PIK3C3: variants seen among roughly 807,000 people sequenced by gnomAD.
PIK3C3 encodes PI3-kinase type 3.
A neutral mutation model predicts 126.1 loss-of-function variants in PIK3C3; 95 were observed. That is an observed-to-expected ratio of 0.75 (90% CI 0.64 to 0.89). The LOEUF is 0.89. PIK3C3 is among the 40% of genes least tolerant of loss of function. The pLI is 0.00. For synonymous variants in PIK3C3, 374 were observed against 360.0 expected, an observed-to-expected ratio of 1.04 and a Z score of -0.44; for missense variants, 829 against 1,063.2, an observed-to-expected ratio of 0.78 and a Z score of 3.06.
At chr18:41,968,821 T>G (rs1459082458) in intron 3 of PIK3C3, among the ~76,000 whole-genome samples, 4 of 151,978 alleles carry the variant, frequency 2.6e-5, no homozygotes, top group Admixed American at 1.3e-4. Context: ...TTTTGTTGTT[T>G]TTTTTTTAAG....
At chr18:42,024,381 T>C (rs1426684270) in intron 13 of PIK3C3, among the ~76,000 whole-genome samples, 2 of 152,160 alleles carry the variant, frequency 1.3e-5, no homozygotes, top group Non-Finnish European at 2.9e-5. Context: ...GAGATGACAG[T>C]GTCACTTTTC....
At chr18:41,957,521 C>A (rs771809605) in intron 1 of PIK3C3, 49 bp from the exon 2 acceptor site, 3 of 1,568,054 alleles carry the variant, frequency 1.9e-6, no homozygotes, top group Non-Finnish European at 2.6e-6. Context: ...TATATATGTA[C>A]ATGCTTAAAA....
chr18:42,000,287 G>A (rs1211965410), intron 9 of PIK3C3, among the ~76,000 whole-genome samples: 1 of 152,058 alleles, frequency 6.6e-6, no homozygotes, highest in African/African-American at 2.4e-5. Flanking sequence ...ACTGGCCTCA[G>A]GTGATCAACC....
At position 42,017,644 on chromosome 18, in the gene PIK3C3, C is replaced by T. The variant is rs955462260; in HGVS notation, c.1416+2078C>T. ...CTTCAATTAAGTAAATAAATTGCATCTTTATCACTGTTTGGTAACCCTCTT... is the reference window on the plus strand; with the variant it reads ...CTTCAATTAAGTAAATAAATTGCATTTTTATCACTGTTTGGTAACCCTCTT... On this transcript the variant is annotated intron_variant, in intron 12 of 24. Coordinates refer to ENST00000262039, the MANE Select transcript of PIK3C3 (RefSeq NM_002647.4). 2.6e-5 allele frequency among the ~76,000 whole-genome samples: 4 copies of T among 152,144 alleles called. No individual in the cohort carries two copies. The East Asian group carries it at 5.8e-4, about 22-fold the overall frequency.
At position 41,995,869 on chromosome 18, in the gene PIK3C3, A is replaced by G. The variant is rs368804922; in HGVS notation, c.787-21A>G. The G allele has an allele frequency of 4.3e-4, 664 of 1,541,860 alleles. 1 individual carries two copies. Among genetic ancestry groups the G allele is most frequent in the East Asian group, 9.2e-4 (41 of 44,410 alleles). On this transcript the variant is annotated intron_variant, in intron 7 of 24. Coordinates refer to ENST00000262039, the MANE Select transcript of PIK3C3 (RefSeq NM_002647.4). ...CCTTTTGGTGAAGTTTACATTGTCA[A>G]TATTTTAAAATAATTTGTAGGAGAA...
Position 42,080,198 on chromosome 18 carries a change from C to T in PIK3C3, c.2650-925C>T, listed in dbSNP as rs1986198971. ...GAAGTTTATTTTCTCTGATAATTGC[C>T]TTTAGTAAAAATATTTAAATTGCTT... is the stretch of plus-strand genomic sequence containing the variant. On this transcript the variant is annotated intron_variant, in intron 24 of 24. Transcript: ENST00000262039. Among the ~76,000 whole-genome samples the T allele has an allele frequency of 3.9e-5, 6 of 152,020 alleles. No homozygotes were observed. In the South Asian group the frequency reaches 1.0e-3, roughly 26 times the overall value.
At chr18:42,002,289 A>G (rs376062130) in intron 9 of PIK3C3, among the ~76,000 whole-genome samples, 27 of 152,310 alleles carry the variant, frequency 1.8e-4, no homozygotes, top group East Asian at 5.8e-4. Flanking sequence ...GAAGCATGGA[A>G]GGGCAATGAG....
chr18:42,082,543 TC>T lies in PIK3C3; in HGVS notation c.*1407del, dbSNP rs1338836869. 2.0e-5 allele frequency: 3 copies of T among 152,232 alleles called. No homozygotes were observed. The highest frequency in any genetic ancestry group is 4.4e-5 in the Non-Finnish European group (3 of 68,040). 9.4% of individuals were successfully genotyped at this position (152,232 alleles called of 1,614,324 possible). ...AGGCTCCATCGTCTACCTTTCTTTTTCTTTTCTTCACATGTTTATGTCTTTT... is the reference window on the plus strand; with the variant it reads ...AGGCTCCATCGTCTACCTTTCTTTTTTTTTCTTCACATGTTTATGTCTTTT... On this transcript the variant is annotated 3_prime_UTR_variant, in exon 25 of 25. Transcript: ENST00000262039.
intron 13 of PIK3C3, among the ~76,000 whole-genome samples, chr18:42,021,718 A>G (rs1340560001): frequency 6.6e-6 from 1 of 152,244 alleles, no homozygotes; most frequent in Non-Finnish European, 1.5e-5. Flanking sequence ...CAGGTTGAGC[A>G]TACCAAATCC....
chr18:42,050,243 A>G (rs779162366), intron 21 of PIK3C3: 1 of 152,164 alleles, frequency 6.6e-6, no homozygotes, highest in Non-Finnish European at 1.5e-5. Flanking sequence ...TTTCTCTTAC[A>G]AAGTGTGCTT....
At chr18:41,978,325 C>T (rs749190673) in intron 4 of PIK3C3, among the ~76,000 whole-genome samples, 2 of 152,148 alleles carry the variant, frequency 1.3e-5, no homozygotes, top group Non-Finnish European at 2.9e-5. Context: ...TTGGAAAAAA[C>T]TAAAGATGTC....
intron 13 of PIK3C3, 120 bp downstream of exon 13, chr18:42,020,825 A>G (rs1983288949): frequency 1.6e-6 from 1 of 622,036 alleles, no homozygotes; most frequent in Non-Finnish European, 2.8e-6. Flanking sequence ...GTCTAGATAT[A>G]GTATTTATAT....
intron 2 of PIK3C3, among the ~76,000 whole-genome samples, chr18:41,961,379 T>C (rs1463680370): frequency 6.6e-6 from 1 of 152,230 alleles, no homozygotes; most frequent in Non-Finnish European, 1.5e-5. Context: ...TTAGATAATT[T>C]TATTTAGTTG....
At chr18:41,991,217 G>A (rs1362959687) in intron 6 of PIK3C3, among the ~76,000 whole-genome samples, 2 of 152,084 alleles carry the variant, frequency 1.3e-5, no homozygotes, top group South Asian at 4.1e-4. Context: ...ATATATTTAA[G>A]TACTACAGAA....
At chr18:42,007,135 TG>T (rs778238856) in intron 10 of PIK3C3, among the ~76,000 whole-genome samples, 2 of 152,226 alleles carry the variant, frequency 1.3e-5, no homozygotes, top group Non-Finnish European at 2.9e-5. Context: ...CCCGAAGTGC[TG>T]GGATTACAGG....
At chr18:42,069,369 G>T (rs2144523536) in intron 24 of PIK3C3, among the ~76,000 whole-genome samples, 1 of 152,314 alleles carries the variant, frequency 6.6e-6, no homozygotes, top group South Asian at 2.1e-4. Context: ...AGGCCAGAGA[G>T]ATATCATGAC....
intron 22 of PIK3C3, 190 bp from the exon 23 acceptor site, chr18:42,064,550 T>A: frequency 1.9e-6 from 1 of 529,950 alleles, no homozygotes; most frequent in Non-Finnish European, 3.4e-6. Context: ...AATGGTGTTA[T>A]ACGAAGACCC....
intron 11 of PIK3C3, among the ~76,000 whole-genome samples, chr18:42,014,501 A>C (rs1320072203): frequency 6.6e-6 from 1 of 152,192 alleles, no homozygotes; most frequent in Non-Finnish European, 1.5e-5. Flanking sequence ...ATGGACTTCA[A>C]GTAAATTGCC....
intron 16 of PIK3C3, among the ~76,000 whole-genome samples, 174 bp from the exon 17 acceptor site, chr18:42,037,518 T>C (rs937214834): frequency 5.3e-5 from 8 of 152,248 alleles, no homozygotes; most frequent in Non-Finnish European, 1.0e-4. Flanking sequence ...GACTACTAGC[T>C]AGTTCACTGT....
Sources: gnomAD v4.1 joint callset for allele counts (sites outside exome capture counted in the v4.1 genomes callset) on GRCh38, gnomAD v4.1.1 for gene constraint, MANE v1.5 for transcripts, NCBI Gene and HGNC (gene_info 2026-07-23, HGNC 2026-07-21) for gene names.